EYS: variants seen among roughly 807,000 people sequenced by gnomAD.
The protein encoded by EYS is protein eyes shut homolog.
Under a neutral mutation model 282.1 loss-of-function variants are expected in EYS, and 250 were observed. The observed-to-expected ratio is 0.89, with a 90% CI of 0.80 to 0.98. The LOEUF is 0.98. Ranked by LOEUF, EYS falls within the 50% of genes least tolerant of loss-of-function variation. EYS has a pLI of 0.00. For synonymous variants in EYS, 1,355 were observed against 1,282.9 expected (o/e 1.06, Z -1.20); for missense variants, 4,016 against 3,709.0 (o/e 1.08, Z -2.15).
chr6:64,202,668 A>G (rs1765495335), intron 31 of EYS, among the ~76,000 whole-genome samples: 1 of 152,150 alleles, frequency 6.6e-6, no homozygotes, highest in African/African-American at 2.4e-5. Flanking sequence ...TGGCAAAAGG[A>G]CCTTGCAGAT....
intron 26 of EYS, among the ~76,000 whole-genome samples, chr6:64,535,524 G>A (rs1262706183): frequency 6.6e-6 from 1 of 151,466 alleles, no homozygotes; most frequent in Non-Finnish European, 1.5e-5. Flanking sequence ...GACTGCTTGA[G>A]CCCAGGAGTT....
intron 37 of EYS, among the ~76,000 whole-genome samples, chr6:63,792,547 C>T (rs554877956): frequency 6.6e-6 from 1 of 151,926 alleles, no homozygotes; most frequent in Non-Finnish European, 1.5e-5. Flanking sequence ...ATGTAACAAA[C>T]CTGCACATTG....
chr6:65,580,797 A>AT (rs1764839047), intron 2 of EYS, among the ~76,000 whole-genome samples: 1 of 152,080 alleles, frequency 6.6e-6, no homozygotes, highest in Non-Finnish European at 1.5e-5. Flanking sequence ...CCAGAAATTT[A>AT]TAATGTTAAA....
chr6:64,007,234 G>C (rs1448286188), intron 33 of EYS, among the ~76,000 whole-genome samples: 1 of 152,038 alleles, frequency 6.6e-6, no homozygotes, highest in Non-Finnish European at 1.5e-5. Flanking sequence ...TGAGATATGT[G>C]TATCCAGGAA....
chr6:64,939,088 C>A (rs1769005747), intron 15 of EYS, among the ~76,000 whole-genome samples: 1 of 151,750 alleles, frequency 6.6e-6, no homozygotes, highest in South Asian at 2.1e-4. Context: ...ATATGGAATA[C>A]ATACATTATG....
chr6:64,135,179 G>A (rs560728781), intron 31 of EYS, among the ~76,000 whole-genome samples: 1 of 151,868 alleles, frequency 6.6e-6, no homozygotes, highest in Admixed American at 6.6e-5. Context: ...GGCACAGAAA[G>A]ATGCAGAGAG....
intron 35 of EYS, among the ~76,000 whole-genome samples, chr6:63,894,120 T>C (rs1201094757): frequency 6.6e-6 from 1 of 152,130 alleles, no homozygotes; most frequent in East Asian, 1.9e-4. Context: ...CAAACTGTCT[T>C]TAAAAAAGAG....
chr6:64,845,021 G>A (rs1424847122), intron 19 of EYS, among the ~76,000 whole-genome samples: 1 of 152,136 alleles, frequency 6.6e-6, no homozygotes, highest in Non-Finnish European at 1.5e-5. Flanking sequence ...TAGTGTGGTG[G>A]CTCACACCTA....
intron 22 of EYS, among the ~76,000 whole-genome samples, chr6:64,737,296 T>C (rs2149957621): frequency 6.6e-6 from 1 of 152,324 alleles, no homozygotes; most frequent in South Asian, 2.1e-4. Context: ...CAATATTCAG[T>C]TTTCTTTTTT....
chr6:65,157,846 C>T (rs566412416), intron 12 of EYS, among the ~76,000 whole-genome samples: 16 of 150,602 alleles, frequency 1.1e-4, no homozygotes, highest in African/African-American at 3.9e-4. Context: ...AAATATAAAT[C>T]AAGTACCATT....
At chr6:65,588,247 A>G (rs2127365881) in intron 2 of EYS, among the ~76,000 whole-genome samples, 1 of 151,954 alleles carries the variant, frequency 6.6e-6, no homozygotes, top group South Asian at 2.1e-4. Context: ...ACCTCTATCC[A>G]CCTCATTTAA....
chr6:65,215,374 A>G (rs1462273433), intron 12 of EYS, among the ~76,000 whole-genome samples: 1 of 152,190 alleles, frequency 6.6e-6, no homozygotes. Flanking sequence ...CAAATACGGT[A>G]GAAATAACAA....
chr6:64,076,192 G>A (rs976557347), intron 32 of EYS, among the ~76,000 whole-genome samples: 1 of 151,892 alleles, frequency 6.6e-6, no homozygotes, highest in Non-Finnish European at 1.5e-5. Context: ...TGAAATTTGT[G>A]TTTGTTTCTA....
chr6:64,018,000 A>T (rs1285682703), intron 33 of EYS, among the ~76,000 whole-genome samples: 1 of 152,220 alleles, frequency 6.6e-6, no homozygotes, highest in African/African-American at 2.4e-5. Context: ...TCAGAGATCC[A>T]TGCAGTAGCA....
At chr6:63,842,987 C>G (rs760583131) in intron 36 of EYS, among the ~76,000 whole-genome samples, 3 of 152,116 alleles carry the variant, frequency 2.0e-5, no homozygotes, top group Non-Finnish European at 4.4e-5. Context: ...GGTACCAGTA[C>G]CATGCTGTTT....
At chr6:65,607,458 G>C (rs1426043075) in intron 2 of EYS, among the ~76,000 whole-genome samples, 1 of 151,720 alleles carries the variant, frequency 6.6e-6, no homozygotes, top group African/African-American at 2.4e-5. Context: ...TAAGATTCCT[G>C]CTGTAACTTT....
chr6:64,511,153 C>T (rs1282118528), intron 26 of EYS, among the ~76,000 whole-genome samples: 1 of 150,766 alleles, frequency 6.6e-6, no homozygotes, highest in Non-Finnish European at 1.5e-5. Flanking sequence ...TTATATAACA[C>T]TATTTGCTTC....
At chr6:65,482,389 G>A (rs1006278687) in intron 5 of EYS, among the ~76,000 whole-genome samples, 11 of 152,138 alleles carry the variant, frequency 7.2e-5, no homozygotes, top group Admixed American at 6.5e-4. Context: ...ACTTATGAGA[G>A]CAAGGACTAG....
chr6:65,514,484 C>A (rs1480593533), intron 2 of EYS, among the ~76,000 whole-genome samples: 1 of 152,156 alleles, frequency 6.6e-6, no homozygotes, highest in Admixed American at 6.5e-5. Context: ...ATTGCCAAGT[C>A]AATCCTAAGC....
Sources: allele counts gnomAD v4.1 joint callset (sites outside exome capture counted in the v4.1 genomes callset), GRCh38; gene constraint gnomAD v4.1.1; transcripts MANE v1.5; gene names NCBI Gene and HGNC (gene_info 2026-07-23, HGNC 2026-07-21).